Variants in PPME1 observed in about 807,000 individuals in gnomAD.
The protein encoded by PPME1 is protein phosphatase methylesterase 1.
A neutral mutation model predicts 56.9 loss-of-function variants in PPME1; 17 were observed. The ratio of observed to expected loss-of-function variants is 0.30; its 90% confidence interval spans 0.20 to 0.45. PPME1 has a LOEUF of 0.45. Ranked by LOEUF, PPME1 falls within the 20% of genes least tolerant of loss-of-function variation. The pLI, the probability that PPME1 is intolerant of heterozygous loss-of-function variation, is 1.00. For missense variants in PPME1, 357 were observed against 483.2 expected (o/e 0.74, Z 2.45); for synonymous variants, 122 against 156.2 (o/e 0.78, Z 1.63).
intron 1 of PPME1, among the ~76,000 whole-genome samples, chr11:74,188,961 A>G (rs1591021286): frequency 6.6e-6 from 1 of 152,276 alleles, no homozygotes; most frequent in South Asian, 2.1e-4. Flanking sequence ...ATGTTGAAGT[A>G]TAAAACAATA....
intron 1 of PPME1, among the ~76,000 whole-genome samples, chr11:74,200,685 A>G (rs1006505558): frequency 6.6e-6 from 1 of 151,890 alleles, no homozygotes; most frequent in Non-Finnish European, 1.5e-5. Context: ...GCCTGGCCCA[A>G]TTATGTGTTT....
At chr11:74,252,355 T>TGGGATTATA in intron 13 of PPME1, 1 of 439,810 alleles carries the variant, frequency 2.3e-6, no homozygotes, top group South Asian at 1.6e-5. Context: ...CCTAAAGTGT[T>TGGGATTATA]GGGATTATAG....
rs17132873 is a variant in PPME1 at position 74,251,402 on chromosome 11, G to A, written c.1075-246G>A. ...TGAGAAAACACCATTCTGTAACTCT[G>A]AGGGCACACATAAGCCCTTCACGTC... On this transcript the variant is annotated intron_variant, in intron 12 of 13. Coordinates refer to ENST00000328257, the MANE Select transcript of PPME1 (RefSeq NM_016147.3). 0.017 allele frequency: 23,703 copies of A among 1,372,416 alleles called. 1,897 individuals are homozygous for A. In the African/African-American group the frequency reaches 0.23, roughly 13 times the overall value. 85.0% of individuals were successfully genotyped at this position (1,372,416 alleles called of 1,614,324 possible). A position where few individuals can be genotyped will look rare whatever the true frequency, so the allele number is the denominator to read the frequency against.
At position 74,230,222 on chromosome 11, in the gene PPME1, A is replaced by G. The variant is rs761531334; in HGVS notation, c.399-23A>G. On this transcript the variant is annotated intron_variant, in intron 5 of 13. Transcript: ENST00000328257. This position sits in a 1 kb window ranked among gnomAD's most constrained non-coding sequence, Gnocchi z 4.9. Reference sequence around the variant, plus strand: ...CAGTGTTGTCAGAAAGCATTCTTAGATCTTTTTCTCTTCTCTTTGCAGAGA... The same window carrying G: ...CAGTGTTGTCAGAAAGCATTCTTAGGTCTTTTTCTCTTCTCTTTGCAGAGA... 27 of 1,585,156 alleles carry G rather than the reference A, an allele frequency of 1.7e-5. No homozygotes were observed. Among genetic ancestry groups the G allele is most frequent in the Non-Finnish European group, 2.3e-5 (27 of 1,168,852 alleles).
intron 1 of PPME1, among the ~76,000 whole-genome samples, chr11:74,176,086 A>C (rs1035175853): frequency 2.6e-5 from 4 of 152,222 alleles, no homozygotes; most frequent in South Asian, 2.1e-4. Context: ...GAATAAGATA[A>C]TACATAAAAA....
chr11:74,218,402 G>A (rs4575301), intron 3 of PPME1, among the ~76,000 whole-genome samples: 1 of 151,826 alleles, frequency 6.6e-6, no homozygotes, highest in Admixed American at 6.6e-5. Flanking sequence ...TGGAACAATT[G>A]TGAAATTTCT....
intron 1 of PPME1, among the ~76,000 whole-genome samples, chr11:74,184,234 G>A (rs1172433896): frequency 2.0e-5 from 3 of 152,058 alleles, no homozygotes; most frequent in Non-Finnish European, 4.4e-5. Context: ...TTAAGCATAA[G>A]AACCATTGTT....
intron 9 of PPME1, chr11:74,243,428 A>T (rs1038894120): frequency 1.3e-5 from 2 of 152,036 alleles, no homozygotes; most frequent in African/African-American, 4.8e-5. Flanking sequence ...GTGTGCATGT[A>T]GGAGGGGCTT....
chr11:74,206,339 T>C (rs996680413), intron 3 of PPME1, among the ~76,000 whole-genome samples: 13 of 152,220 alleles, frequency 8.5e-5, no homozygotes, highest in South Asian at 2.1e-4. Context: ...TTTATTACTT[T>C]CATAATTTAA....
chr11:74,224,544 A>G (rs1858885429), intron 4 of PPME1, among the ~76,000 whole-genome samples: 1 of 133,420 alleles, frequency 7.5e-6, no homozygotes, highest in Admixed American at 7.2e-5. Flanking sequence ...CAGTATGGCC[A>G]TTTTCACGAT....
chr11:74,251,709 T>G lies in PPME1; in HGVS notation c.1136T>G (p.Phe379Cys). ...RHRFAEPIGG[F>C]QCVFPGC ...AGGTTTGCAGAACCCATCGGTGGAT[T>G]CCAGTGGTAAGGCGGGTACAAGGGT... is the stretch of plus-strand genomic sequence containing the variant. Residue 379 changes from phenylalanine (F) to cysteine (C), a missense_variant, in exon 13 of 14, where the codon TTC (phenylalanine) becomes TGC (cysteine). Coordinates refer to ENST00000328257, the MANE Select transcript of PPME1 (RefSeq NM_016147.3). 6.2e-7 allele frequency: 1 copy of G among 1,613,954 alleles called. No homozygotes were observed. Among genetic ancestry groups the G allele is most frequent in the Non-Finnish European group, 8.5e-7 (1 of 1,179,856 alleles).
rs1330586341 is a variant in PPME1 at position 74,181,135 on chromosome 11, C to T, written c.101+9613C>T. ...TCTCGGCTCACTGCAAGCTCCGCTT[C>T]CCGGGTTCACGCCATTCTCCTGCCT... On this transcript the variant is annotated intron_variant, in intron 1 of 13. Coordinates refer to ENST00000328257, the MANE Select transcript of PPME1 (RefSeq NM_016147.3). Among the ~76,000 whole-genome samples the T allele has an allele frequency of 2.0e-5, 3 of 149,202 alleles. No homozygotes were observed. The East Asian group carries it at 5.9e-4, about 30-fold the overall frequency.
intron 9 of PPME1, among the ~76,000 whole-genome samples, chr11:74,243,756 T>C (rs937949280): frequency 2.0e-5 from 3 of 146,434 alleles, no homozygotes; most frequent in Non-Finnish European, 4.4e-5. Context: ...TGGCGATCTT[T>C]TTCTTTTTCT....
At position 74,253,836 on chromosome 11, in the gene PPME1, A is replaced by AT. The variant is rs1859766926; in HGVS notation, c.*327dup. 2.1e-6 allele frequency: 1 copy of AT among 481,608 alleles called. No homozygotes were observed. Among genetic ancestry groups the AT allele is most frequent in the African/African-American group, 2.0e-5 (1 of 51,262 alleles). 29.8% of individuals were successfully genotyped at this position (481,608 alleles called of 1,614,324 possible). A position where few individuals can be genotyped will look rare whatever the true frequency, so the allele number is the denominator to read the frequency against. On this transcript the variant is annotated 3_prime_UTR_variant, in exon 14 of 14. Coordinates refer to ENST00000328257, the MANE Select transcript of PPME1 (RefSeq NM_016147.3). ...GCCATACTGAGCCCCTCTTCCTAGC[A>AT]TCAGGCGATACATCTGAGTTCAAAT...
intron 1 of PPME1, among the ~76,000 whole-genome samples, chr11:74,190,662 T>C (rs1203646101): frequency 6.6e-6 from 1 of 152,104 alleles, no homozygotes; most frequent in Non-Finnish European, 1.5e-5. Flanking sequence ...TAACTGAAAA[T>C]GTGGAAGCAG....
intron 1 of PPME1, among the ~76,000 whole-genome samples, chr11:74,186,380 C>T (rs964263753): frequency 6.6e-6 from 1 of 152,062 alleles, no homozygotes; most frequent in Non-Finnish European, 1.5e-5. Context: ...GTGTTCATTG[C>T]CAGCTTTGAT....
intron 5 of PPME1, among the ~76,000 whole-genome samples, chr11:74,228,974 GTCTTAA>G (rs1331062536): frequency 1.3e-5 from 2 of 152,116 alleles, no homozygotes; most frequent in African/African-American, 4.8e-5. Flanking sequence ...TTCACTTTCT[GTCTTAA>G]TCTTAAATTT....
intron 1 of PPME1, among the ~76,000 whole-genome samples, chr11:74,188,372 A>G (rs992994357): frequency 2.6e-5 from 4 of 151,758 alleles, no homozygotes; most frequent in Non-Finnish European, 5.9e-5. Flanking sequence ...TTTTTAGTAA[A>G]GATGGGGTTT....
Position 74,225,276 on chromosome 11 carries a change from T to G in PPME1, c.398+20T>G, listed in dbSNP as rs1247647712. 1.0e-5 allele frequency: 15 copies of G among 1,504,538 alleles called. No individual in the cohort carries two copies. The highest frequency in any genetic ancestry group is 1.4e-5 in the Non-Finnish European group (15 of 1,103,646). 93.2% of individuals were successfully genotyped at this position (1,504,538 alleles called of 1,614,324 possible). ...GGCAAAGTAAGTAACCAAATATTTC[T>G]TATACATTGCCTGTCTCCCATCACT... On this transcript the variant is annotated intron_variant, in intron 5 of 13. Coordinates refer to ENST00000328257, the MANE Select transcript of PPME1 (RefSeq NM_016147.3).
Sources: gnomAD v4.1 joint callset for allele counts (sites outside exome capture counted in the v4.1 genomes callset) on GRCh38, gnomAD v4.1.1 for gene constraint, Gnocchi (gnomAD v3.1) non-coding constraint, MANE v1.5 for transcripts, NCBI Gene and HGNC (gene_info 2026-07-23, HGNC 2026-07-21) for gene names.